The following PACSIN1 variants were observed in gnomAD, a reference collection of about 807,000 sequenced individuals.
PACSIN1 encodes the protein protein kinase C and casein kinase substrate in neurons protein 1.
In PACSIN1, 15 loss-of-function variants were observed where a neutral mutation model predicts 59.5. The ratio of observed to expected loss-of-function variants is 0.25; its 90% CI spans 0.17 to 0.39. The LOEUF (loss-of-function observed/expected upper bound fraction) is 0.39. Among genes scored for constraint, PACSIN1 ranks in the 10% least tolerant of loss-of-function variants. The probability of loss-of-function intolerance (pLI) is 1.00; values close to 1 mark genes in which losing one functional copy is unlikely to be tolerated. For missense variants in PACSIN1, 420 were observed against 580.2 expected (o/e 0.72, Z 2.84); for synonymous variants, 210 against 220.6 (o/e 0.95, Z 0.42).
intron 1 of PACSIN1, among the ~76,000 whole-genome samples, chr6:34,505,233 T>G (rs1466051399): frequency 6.6e-6 from 1 of 152,106 alleles, no homozygotes; most frequent in East Asian, 1.9e-4. Context: ...TTAAATAAAG[T>G]GTCATTTCTC....
In PACSIN1 at chr6:34,521,119, C is replaced by G. The variant is rs1242531848; in HGVS notation, c.-63-5124C>G. On this transcript the variant is annotated intron_variant, in intron 1 of 9. Coordinates refer to ENST00000244458, the MANE Select transcript of PACSIN1 (RefSeq NM_020804.5). This position sits in a 1 kb window ranked among gnomAD's most constrained non-coding sequence, Gnocchi z 4.3. ...TACGGCAGATAACCAGACAGATAAA[C>G]ACCGCTGACTGGACTAAGTGACATT... Among the ~76,000 whole-genome samples the G allele has an allele frequency of 1.3e-5, 2 of 152,226 alleles. No homozygotes were observed. Among genetic ancestry groups the G allele is most frequent in the Admixed American group, 6.5e-5 (1 of 15,280 alleles).
intron 1 of PACSIN1, among the ~76,000 whole-genome samples, chr6:34,475,680 G>A (rs1766629504): frequency 1.3e-5 from 2 of 152,186 alleles, no homozygotes; most frequent in Admixed American, 6.5e-5. Context: ...GGGGGCAGCT[G>A]TGAGCTGCTA....
rs1767590538 is a variant in PACSIN1 at position 34,531,381 on chromosome 6, C to T, written c.1038-219C>T. Among the ~76,000 whole-genome samples the T allele has an allele frequency of 6.6e-6, 1 of 152,144 alleles. No homozygotes were observed. Among genetic ancestry groups the T allele is most frequent in the African/African-American group, 2.4e-5 (1 of 41,424 alleles). ...AAGGCTCAGATGTGCCCTGGGGTCC[C>T]CTTCAATGCCCTCTCCCTCGAGGGC... is the stretch of plus-strand genomic sequence containing the variant. On this transcript the variant is annotated intron_variant, in intron 8 of 9. Transcript: ENST00000244458. The surrounding 1 kb of genome is among the most constrained non-coding windows in gnomAD (Gnocchi z 4.4).
At chr6:34,477,545 A>G (rs1270847644) in intron 1 of PACSIN1, among the ~76,000 whole-genome samples, 4 of 152,158 alleles carry the variant, frequency 2.6e-5, no homozygotes, top group African/African-American at 7.2e-5. Context: ...GGCTCTGGCC[A>G]TCTCATCTTT....
At chr6:34,471,678 A>T (rs1223090653) in intron 1 of PACSIN1, among the ~76,000 whole-genome samples, 1 of 152,210 alleles carries the variant, frequency 6.6e-6, no homozygotes. Context: ...CGGGGAGCAT[A>T]CGTTAGCACT....
intron 1 of PACSIN1, among the ~76,000 whole-genome samples, chr6:34,498,998 G>A (rs9394229): frequency 0.34 from 52,212 of 151,402 alleles, 10,751 homozygotes; most frequent in Middle Eastern, 0.51. Context: ...AGGGTTGGGG[G>A]ATGATTCAAG....
chr6:34,521,596 C>A lies in PACSIN1; in HGVS notation c.-63-4647C>A, dbSNP rs1007233857. ...GTGAGCTGGCTCCAGAGCCCTGCAC[C>A]CCCCAGTCTGCACTTCACAGGCTGC... On this transcript the variant is annotated intron_variant, in intron 1 of 9. Coordinates refer to ENST00000244458, the MANE Select transcript of PACSIN1 (RefSeq NM_020804.5). This position sits in a 1 kb window ranked among gnomAD's most constrained non-coding sequence, Gnocchi z 4.3. Among the ~76,000 whole-genome samples, 2 of 152,098 alleles carry A rather than the reference C, an allele frequency of 1.3e-5. No individual in the cohort carries two copies. The highest frequency in any genetic ancestry group is 2.9e-5 in the Non-Finnish European group (2 of 68,016).
At chr6:34,485,072 T>C (rs910255780) in intron 1 of PACSIN1, 1 of 151,750 alleles carries the variant, frequency 6.6e-6, no homozygotes, top group Non-Finnish European at 1.5e-5. Context: ...GAGTGAGGCG[T>C]GGGGAGTGGT....
chr6:34,532,533 G>C lies in PACSIN1; in HGVS notation c.*3G>C, dbSNP rs1245080919. On this transcript the variant is annotated 3_prime_UTR_variant, in exon 10 of 10. Transcript: ENST00000244458. The surrounding 1 kb of genome is among the most constrained non-coding windows in gnomAD (Gnocchi z 5.2). Reference sequence around the variant, plus strand: ...CCAACTACGTGGAGGCTATCTAGAGGCCCCCTCCCTCCATACTCCCGTCAC... The same window carrying C: ...CCAACTACGTGGAGGCTATCTAGAGCCCCCCTCCCTCCATACTCCCGTCAC... The C allele has an allele frequency of 6.6e-7, 1 of 1,522,688 alleles. No homozygotes were observed. The allele number at this position is 1,522,688 out of a possible 1,614,324, so 94.3% of individuals were successfully genotyped here.
intron 1 of PACSIN1, among the ~76,000 whole-genome samples, chr6:34,478,039 C>T (rs1766662517): frequency 6.6e-6 from 1 of 151,156 alleles, no homozygotes; most frequent in Non-Finnish European, 1.5e-5. Flanking sequence ...AGGCATGAGC[C>T]ACCATGCCCA....
intron 1 of PACSIN1, among the ~76,000 whole-genome samples, chr6:34,508,294 G>A (rs1767147341): frequency 6.6e-6 from 1 of 152,120 alleles, no homozygotes; most frequent in Non-Finnish European, 1.5e-5. Flanking sequence ...TAGTAGAGAT[G>A]GGGTTTCACC....
At chr6:34,484,748 A>G (rs558217117) in intron 1 of PACSIN1, among the ~76,000 whole-genome samples, 93 of 152,310 alleles carry the variant, frequency 6.1e-4, no homozygotes, top group African/African-American at 1.9e-3. Context: ...CAATTTTTCT[A>G]GGAGCCTAAA....
chr6:34,532,637 A>G lies in PACSIN1; in HGVS notation c.*107A>G, dbSNP rs1767622518. On this transcript the variant is annotated 3_prime_UTR_variant, in exon 10 of 10. Coordinates refer to ENST00000244458, the MANE Select transcript of PACSIN1 (RefSeq NM_020804.5). The surrounding 1 kb of genome is among the most constrained non-coding windows in gnomAD (Gnocchi z 5.2). ...AGAGTTCCAGACATATTTTCCGATC[A>G]AGCTTTTATTTTTTTAAAAGTCAAA... 2.9e-6 allele frequency: 2 copies of G among 678,272 alleles called. No homozygotes were observed. Among genetic ancestry groups the G allele is most frequent in the Non-Finnish European group, 5.1e-6 (2 of 394,660 alleles). The allele number at this position is 678,272 out of a possible 1,614,324, so 42.0% of individuals were successfully genotyped here.
chr6:34,470,360 T>C (rs1271539326), intron 1 of PACSIN1, among the ~76,000 whole-genome samples: 18 of 151,914 alleles, frequency 1.2e-4, no homozygotes, highest in Non-Finnish European at 4.4e-5. Flanking sequence ...TTTGTATTTT[T>C]AGTAAAGACA....
At chr6:34,493,235 G>A (rs1766902722) in intron 1 of PACSIN1, among the ~76,000 whole-genome samples, 1 of 152,232 alleles carries the variant, frequency 6.6e-6, no homozygotes, top group Admixed American at 6.5e-5. Context: ...GCTGGGGGAT[G>A]GAGTGTCTTC....
chr6:34,509,788 C>A (rs1767171138), intron 1 of PACSIN1, among the ~76,000 whole-genome samples: 1 of 150,988 alleles, frequency 6.6e-6, no homozygotes, highest in Admixed American at 6.6e-5. Context: ...CCTAGGTTAA[C>A]TTTATTCCTA....
At chr6:34,486,714 G>GTGGGCCCCTCTCTTTCCTCCTGCCT (rs1447420161) in intron 1 of PACSIN1, among the ~76,000 whole-genome samples, 4 of 152,072 alleles carry the variant, frequency 2.6e-5, no homozygotes, top group East Asian at 3.9e-4. Flanking sequence ...GCCCTCCTCC[G>GTGGGCCCCTCTCTTTCCTCCTGCCT]TGGGCCCCTC....
rs1767590259 is a variant in PACSIN1 at position 34,531,366 on chromosome 6, T to C, written c.1038-234T>C. Among the ~76,000 whole-genome samples, 1 of 152,206 alleles carries C rather than the reference T, an allele frequency of 6.6e-6. No homozygotes were observed. The highest frequency in any genetic ancestry group is 1.5e-5 in the Non-Finnish European group (1 of 68,032). ...TCCTCCTCCCGGATGAAGGCTCAGA[T>C]GTGCCCTGGGGTCCCCTTCAATGCC... On this transcript the variant is annotated intron_variant, in intron 8 of 9. Transcript: ENST00000244458. This position sits in a 1 kb window ranked among gnomAD's most constrained non-coding sequence, Gnocchi z 4.4.
In PACSIN1 at chr6:34,528,778, C is replaced by T. The variant is rs183923185; in HGVS notation, c.357C>T (p.Asp119=). Residue 119 remains aspartate (D), a synonymous_variant, in exon 4 of 10, where the codon GAC becomes GAT. Transcript: ENST00000244458. The stretch of plus-strand genomic sequence containing the variant: ...AGAAGGTGAAGAACTGGCAGAAGGA[C>T]GCCTATCACAAGCAGATCATGGGTG... ...DLEKVKNWQK[D]AYHKQIMGGF... The T allele has an allele frequency of 2.9e-4, 474 of 1,613,990 alleles. 1 individual carries two copies. Among genetic ancestry groups the T allele is most frequent in the Middle Eastern group, 2.3e-3 (14 of 6,058 alleles).
Sources: gnomAD v4.1 joint callset for allele counts (sites outside exome capture counted in the v4.1 genomes callset) on GRCh38, gnomAD v4.1.1 for gene constraint, Gnocchi (gnomAD v3.1) non-coding constraint, MANE v1.5 for transcripts, NCBI Gene and HGNC (gene_info 2026-07-23, HGNC 2026-07-21) for gene names.